UBE2R2: variants seen among roughly 807,000 people sequenced by gnomAD.
The protein encoded by UBE2R2 is ubiquitin-conjugating enzyme E2 R2.
A neutral mutation model predicts 27.8 loss-of-function variants in UBE2R2; 1 was observed. The ratio of observed to expected loss-of-function variants is 0.04; its 90% CI spans 0.01 to 0.17. The LOEUF is 0.17. UBE2R2 is among the 10% of genes least tolerant of loss of function. The pLI is 1.00. For missense variants in UBE2R2, 100 were observed against 291.0 expected, an observed-to-expected ratio of 0.34 and a Z score of 4.78; for synonymous variants, 106 against 113.3, an observed-to-expected ratio of 0.94 and a Z score of 0.41.
Position 33,869,792 on chromosome 9 carries a change from G to A in UBE2R2, c.178-17089G>A, listed in dbSNP as rs117005608. ...AATGACTTTTTGCTTATGCATTTTA[G>A]GGTACATCTTTGCCTAGATATTTTT... is the stretch of plus-strand genomic sequence containing the variant. On this transcript the variant is annotated intron_variant, in intron 1 of 4. Coordinates refer to ENST00000263228, the MANE Select transcript of UBE2R2 (RefSeq NM_017811.4). 5.1e-3 allele frequency among the ~76,000 whole-genome samples: 776 copies of A among 151,908 alleles called. 5 individuals carry two copies. Among genetic ancestry groups the A allele is most frequent in the Non-Finnish European group, 7.9e-3 (539 of 67,940 alleles).
chr9:33,857,823 G>A, intron 1 of UBE2R2, among the ~76,000 whole-genome samples: 1 of 152,124 alleles, frequency 6.6e-6, no homozygotes, highest in South Asian at 2.1e-4. Context: ...GAACTGTTTT[G>A]CCTATAGTTC....
chr9:33,861,284 C>G (rs1821230627), intron 1 of UBE2R2, among the ~76,000 whole-genome samples: 1 of 149,774 alleles, frequency 6.7e-6, no homozygotes, highest in Non-Finnish European at 1.5e-5. Context: ...TTTTAAAAAG[C>G]AGGCCGGGGT....
At chr9:33,842,601 A>T (rs902466752) in intron 1 of UBE2R2, among the ~76,000 whole-genome samples, 4 of 152,166 alleles carry the variant, frequency 2.6e-5, no homozygotes, top group Non-Finnish European at 4.4e-5. Context: ...AAATGTCTTC[A>T]TACAGATTGG....
intron 2 of UBE2R2, among the ~76,000 whole-genome samples, chr9:33,893,726 G>A (rs1822036599): frequency 6.6e-6 from 1 of 152,084 alleles, no homozygotes; most frequent in African/African-American, 2.4e-5. Flanking sequence ...TCTGCTCCTG[G>A]CCCCAAGCTA....
intron 1 of UBE2R2, among the ~76,000 whole-genome samples, chr9:33,847,747 A>ATTTT (rs367991925): frequency 5.7e-5 from 6 of 105,046 alleles, no homozygotes; most frequent in Middle Eastern, 4.7e-3. Context: ...TTGACCTGAA[A>ATTTT]TTTTTTTTTT....
intron 1 of UBE2R2, among the ~76,000 whole-genome samples, chr9:33,833,340 C>G (rs1295284922): frequency 6.6e-6 from 1 of 152,186 alleles, no homozygotes; most frequent in African/African-American, 2.4e-5. Context: ...GCTGGCATTA[C>G]AGGCGTGAGC....
intron 1 of UBE2R2, among the ~76,000 whole-genome samples, chr9:33,838,100 A>G (rs527782794): frequency 1.3e-5 from 2 of 152,042 alleles, no homozygotes; most frequent in African/African-American, 4.8e-5. Context: ...TCCCTTATAT[A>G]AAATGATATA....
intron 1 of UBE2R2, among the ~76,000 whole-genome samples, chr9:33,842,089 C>T (rs575578223): frequency 7.4e-4 from 112 of 152,098 alleles, no homozygotes; most frequent in African/African-American, 2.5e-3. Context: ...TTTGCAGGCC[C>T]GGAGGCAAAA....
intron 2 of UBE2R2, among the ~76,000 whole-genome samples, chr9:33,895,768 C>CTTTTTTTTTTTTTT (rs776870484): frequency 1.1e-5 from 1 of 90,278 alleles, no homozygotes; most frequent in Non-Finnish European, 2.1e-5. Flanking sequence ...CTCTCTCTCT[C>CTTTTTTTTTTTTTT]TTTTTTTTTT....
chr9:33,869,237 C>A (rs951332979), intron 1 of UBE2R2, among the ~76,000 whole-genome samples: 22 of 152,098 alleles, frequency 1.4e-4, no homozygotes, highest in Non-Finnish European at 2.6e-4. Flanking sequence ...CCACTGTACT[C>A]CCGCCAGGGC....
intron 3 of UBE2R2, among the ~76,000 whole-genome samples, chr9:33,911,497 A>G (rs932833607): frequency 6.6e-5 from 10 of 151,644 alleles, no homozygotes; most frequent in African/African-American, 2.4e-4. Flanking sequence ...CTTGAAACTA[A>G]ATATTTTAAG....
At chr9:33,906,113 C>CTGCTGTTGT (rs151216368) in intron 3 of UBE2R2, among the ~76,000 whole-genome samples, 1 of 151,160 alleles carries the variant, frequency 6.6e-6, no homozygotes, top group Admixed American at 6.6e-5. Flanking sequence ...GTCGTTGTTG[C>CTGCTGTTGT]TGTTGTTGTT....
At chr9:33,913,286 C>T (rs1822536150) in intron 4 of UBE2R2, among the ~76,000 whole-genome samples, 1 of 152,106 alleles carries the variant, frequency 6.6e-6, no homozygotes, top group Non-Finnish European at 1.5e-5. Flanking sequence ...AAGAAACAGA[C>T]ATGGTCTTAC....
At chr9:33,893,172 G>A (rs1564002148) in intron 2 of UBE2R2, among the ~76,000 whole-genome samples, 2 of 152,094 alleles carry the variant, frequency 1.3e-5, no homozygotes, top group African/African-American at 4.8e-5. Context: ...GTGGTAAAGC[G>A]TTTCCATCAC....
At chr9:33,877,626 G>A (rs1448107315) in intron 1 of UBE2R2, among the ~76,000 whole-genome samples, 2 of 152,060 alleles carry the variant, frequency 1.3e-5, no homozygotes, top group African/African-American at 4.8e-5. Context: ...ATTAGGTTTG[G>A]TAAGGCTCTA....
Position 33,817,971 on chromosome 9 carries a change from C to T in UBE2R2, c.177+37C>T, listed in dbSNP as rs771515907. The T allele has an allele frequency of 1.3e-5, 21 of 1,576,814 alleles. No homozygotes were observed. The Admixed American group carries it at 2.5e-4, about 19-fold the overall frequency. On this transcript the variant is annotated intron_variant, in intron 1 of 4. Coordinates refer to ENST00000263228, the MANE Select transcript of UBE2R2 (RefSeq NM_017811.4). ...CTCCTCCCGGACCCTGCTTCCGCGG[C>T]CGAGGCCTCCGGCTCCCCGCCGCTT...
chr9:33,852,128 A>G (rs1642778738), intron 1 of UBE2R2, among the ~76,000 whole-genome samples: 1 of 152,070 alleles, frequency 6.6e-6, no homozygotes. Context: ...TAGGCAACAT[A>G]GTGAGACCCT....
intron 1 of UBE2R2, among the ~76,000 whole-genome samples, chr9:33,849,468 A>C (rs939562907): frequency 1.3e-5 from 2 of 152,122 alleles, no homozygotes; most frequent in East Asian, 1.9e-4. Context: ...TTAGTTACTT[A>C]GCTGTGTGAC....
intron 1 of UBE2R2, among the ~76,000 whole-genome samples, chr9:33,819,025 G>T (rs1825909439): frequency 6.6e-6 from 1 of 152,096 alleles, no homozygotes; most frequent in African/African-American, 2.4e-5. Context: ...GAGTGTTTTT[G>T]CAGGGAGGAA....
Sources: allele counts gnomAD v4.1 joint callset (sites outside exome capture counted in the v4.1 genomes callset), GRCh38; gene constraint gnomAD v4.1.1; transcripts MANE v1.5; gene names NCBI Gene and HGNC (gene_info 2026-07-23, HGNC 2026-07-21).